BBOX1: variants seen among roughly 807,000 people sequenced by gnomAD.
BBOX1 encodes gamma-butyrobetaine hydroxylase 1, also known as gamma-butyrobetaine dioxygenase.
A neutral mutation model predicts 41.6 loss-of-function variants in BBOX1; 35 were observed. The observed-to-expected ratio is 0.84, with a 90% confidence interval of 0.64 to 1.11. The LOEUF is 1.11. BBOX1 is among the 50% of genes most tolerant of loss of function. The pLI is 0.00. For synonymous variants in BBOX1, 163 were observed against 154.7 expected, an observed-to-expected ratio of 1.05 and a Z score of -0.40; for missense variants, 458 against 460.6, an observed-to-expected ratio of 0.99 and a Z score of 0.05.
At chr11:27,054,606 A>AT (rs918544097) in intron 2 of BBOX1, among the ~76,000 whole-genome samples, 2 of 152,156 alleles carry the variant, frequency 1.3e-5, no homozygotes, top group Admixed American at 1.3e-4. Flanking sequence ...AATTTGCTGG[A>AT]TTTTTTTAAT....
chr11:27,093,785 T>G (rs1202654212), intron 5 of BBOX1, among the ~76,000 whole-genome samples: 2 of 152,028 alleles, frequency 1.3e-5, no homozygotes, highest in Non-Finnish European at 2.9e-5. Context: ...CACTGTGTCC[T>G]CGCATAGCCT....
rs563806429 is a variant in BBOX1, at chr11:27,084,910, T to C, written c.335-8258T>C. On this transcript the variant is annotated intron_variant, in intron 4 of 8. Transcript: ENST00000263182. Reference sequence around the variant, plus strand: ...AAGGAAGTATTTATTAGTAAGACCATAAGTTAAATTAGGAAGGGTGGTTCA... The same window carrying C: ...AAGGAAGTATTTATTAGTAAGACCACAAGTTAAATTAGGAAGGGTGGTTCA... Among the ~76,000 whole-genome samples the C allele has an allele frequency of 5.6e-4, 85 of 152,294 alleles. 1 individual carries two copies. The highest frequency in any genetic ancestry group is 1.9e-3 in the African/African-American group (80 of 41,584).
At position 27,107,828 on chromosome 11, in the gene BBOX1, C is replaced by T. The variant is rs540398570; in HGVS notation, c.534-7624C>T. Among the ~76,000 whole-genome samples the T allele has an allele frequency of 4.6e-5, 7 of 152,188 alleles. No homozygotes were observed. The South Asian group carries it at 1.0e-3, about 23-fold the overall frequency. ...CTGCAAATATGTTTGCATTTTATTT[C>T]TGCTGTGTTTTCTTGGAGAGTTGGA... is the stretch of plus-strand genomic sequence containing the variant. On this transcript the variant is annotated intron_variant, in intron 5 of 8. Transcript: ENST00000263182.
chr11:27,080,201 A>G (rs1857789443), intron 4 of BBOX1, among the ~76,000 whole-genome samples: 2 of 152,234 alleles, frequency 1.3e-5, no homozygotes, highest in South Asian at 2.1e-4. Flanking sequence ...ACTAGTTTGT[A>G]ATCAAAGAGA....
At chr11:27,126,967 C>A (rs1387750356) in intron 8 of BBOX1, among the ~76,000 whole-genome samples, 1 of 152,102 alleles carries the variant, frequency 6.6e-6, no homozygotes, top group Non-Finnish European at 1.5e-5. Flanking sequence ...AGCCACCGCG[C>A]CCGGCAGAAG....
At chr11:27,111,349 G>C (rs1859056513) in intron 5 of BBOX1, among the ~76,000 whole-genome samples, 1 of 151,868 alleles carries the variant, frequency 6.6e-6, no homozygotes, top group African/African-American at 2.4e-5. Flanking sequence ...TACTAGAGTG[G>C]GGAAGGAGGG....
chr11:27,093,707 A>C (rs1479727259), intron 5 of BBOX1, among the ~76,000 whole-genome samples: 1 of 151,938 alleles, frequency 6.6e-6, no homozygotes, highest in Non-Finnish European at 1.5e-5. Context: ...GAAGTCTAAG[A>C]TCAAGGTTCT....
chr11:27,076,265 A>T (rs1008158374), intron 4 of BBOX1, among the ~76,000 whole-genome samples: 22 of 152,190 alleles, frequency 1.4e-4, no homozygotes, highest in African/African-American at 5.3e-4. Context: ...GCTCTGGTGG[A>T]GATGTCAGGG....
intron 5 of BBOX1, among the ~76,000 whole-genome samples, chr11:27,109,298 C>T (rs1858972992): frequency 1.3e-5 from 2 of 152,026 alleles, no homozygotes; most frequent in African/African-American, 2.4e-5. Flanking sequence ...GTGTGTCAGA[C>T]ATAGACCTTT....
chr11:27,071,381 C>CAA (rs573465578), intron 4 of BBOX1, among the ~76,000 whole-genome samples: 7 of 134,538 alleles, frequency 5.2e-5, no homozygotes, highest in African/African-American at 1.4e-4. Flanking sequence ...GACTCCATCT[C>CAA]AAAAAAAAAA....
intron 6 of BBOX1, among the ~76,000 whole-genome samples, chr11:27,117,655 T>C (rs1039950372): frequency 1.3e-5 from 2 of 152,016 alleles, no homozygotes; most frequent in African/African-American, 4.8e-5. Context: ...TTCTGTCTTT[T>C]AAGAATTTAA....
At chr11:27,053,654 G>C (rs1024206305) in intron 2 of BBOX1, among the ~76,000 whole-genome samples, 1 of 152,046 alleles carries the variant, frequency 6.6e-6, no homozygotes, top group Admixed American at 6.6e-5. Context: ...GAGAAAACTT[G>C]CCAGCCAACC....
intron 5 of BBOX1, among the ~76,000 whole-genome samples, chr11:27,102,686 T>C (rs1201290380): frequency 1.3e-5 from 2 of 152,102 alleles, no homozygotes; most frequent in Non-Finnish European, 2.9e-5. Flanking sequence ...GCTCAATGTA[T>C]CTATTCATTT....
At chr11:27,043,251 G>C (rs1386104921) in intron 2 of BBOX1, among the ~76,000 whole-genome samples, 1 of 152,044 alleles carries the variant, frequency 6.6e-6, no homozygotes, top group Non-Finnish European at 1.5e-5. Flanking sequence ...TTTTAGTAGA[G>C]ACGGGGTTTC....
At chr11:27,081,056 T>C (rs1176386425) in intron 4 of BBOX1, among the ~76,000 whole-genome samples, 1 of 152,156 alleles carries the variant, frequency 6.6e-6, no homozygotes, top group African/African-American at 2.4e-5. Context: ...AGATAGGAAA[T>C]GTTGGAACTA....
chr11:27,116,102 A>C (rs1252291038), intron 6 of BBOX1, among the ~76,000 whole-genome samples: 1 of 152,054 alleles, frequency 6.6e-6, no homozygotes, highest in Non-Finnish European at 1.5e-5. Context: ...CTGGATAAAG[A>C]AAACGTGGCA....
intron 2 of BBOX1, among the ~76,000 whole-genome samples, chr11:27,050,032 T>C (rs567303959): frequency 1.4e-4 from 21 of 152,276 alleles, no homozygotes; most frequent in Admixed American, 7.2e-4. Flanking sequence ...GATTTTTATG[T>C]ATGATGTGAG....
At chr11:27,073,382 G>A (rs938319477) in intron 4 of BBOX1, among the ~76,000 whole-genome samples, 1 of 152,054 alleles carries the variant, frequency 6.6e-6, no homozygotes, top group Non-Finnish European at 1.5e-5. Context: ...ACACCAGTTA[G>A]AATGGCGATC....
rs201221843 is a variant in BBOX1, at chr11:27,068,821, A to C, written c.334+11506A>C. Among the ~76,000 whole-genome samples, 26 of 152,238 alleles carry C rather than the reference A, an allele frequency of 1.7e-4. No homozygotes were observed. In the East Asian group the frequency reaches 5.0e-3, roughly 29 times the overall value. The stretch of plus-strand genomic sequence containing the variant: ...TCAGTTTTTCCAGCACCATTTATTA[A>C]ATAAGGTATCTTTTCCCCAATTTAT... On this transcript the variant is annotated intron_variant, in intron 4 of 8. Transcript: ENST00000263182.
Sources: allele counts gnomAD v4.1 joint callset (sites outside exome capture counted in the v4.1 genomes callset), GRCh38; gene constraint gnomAD v4.1.1; transcripts MANE v1.5; gene names NCBI Gene and HGNC (gene_info 2026-07-23, HGNC 2026-07-21).